SORL1-AS1: variants seen among roughly 807,000 people sequenced by gnomAD.
SORL1-AS1 encodes SORL1 antisense RNA 1, also known as lncRNA 51 A.
chr11:121,443,234 T>C (rs1860684532), downstream of SORL1-AS1, among the ~76,000 whole-genome samples: 1 of 152,236 alleles, frequency 6.6e-6, no homozygotes, highest in African/African-American at 2.4e-5. Context: ...GATTGAGATT[T>C]AGAGCTACCC....
In SORL1-AS1 at chr11:121,452,597, C is replaced by T; in HGVS notation, n.339+78G>A. The T allele has an allele frequency of 6.6e-7, 1 of 1,519,112 alleles. No homozygotes were observed. Among genetic ancestry groups the T allele is most frequent in the Non-Finnish European group, 8.8e-7 (1 of 1,141,128 alleles). The allele number at this position is 1,519,112 out of a possible 1,614,324, so 94.1% of individuals were successfully genotyped here. ...CGGAGCGCTGCCCTGCAGCCCGAGC[C>T]CATCAAGGTGTACGGACAGGTGAGC... On this transcript the variant is annotated intron_variant and non_coding_transcript_variant, in intron 1 of 1. Coordinates refer to ENST00000501964, the Ensembl canonical transcript of SORL1-AS1. This position sits in a 1 kb window ranked among gnomAD's most constrained non-coding sequence, Gnocchi z 5.3.
At position 121,452,327 on chromosome 11, in the gene SORL1-AS1, C is replaced by G. The variant is rs1310613209; in HGVS notation, n.339+348G>C. 1.5e-5 allele frequency: 23 copies of G among 1,531,826 alleles called. No individual in the cohort carries two copies. Among genetic ancestry groups the G allele is most frequent in the Non-Finnish European group, 1.9e-5 (22 of 1,143,770 alleles). The allele number at this position is 1,531,826 out of a possible 1,614,324, so 94.9% of individuals were successfully genotyped here. On this transcript the variant is annotated intron_variant and non_coding_transcript_variant, in intron 1 of 1. Transcript: ENST00000501964. This position sits in a 1 kb window ranked among gnomAD's most constrained non-coding sequence, Gnocchi z 5.3. ...GGCGCCACCTGCAGTAGCGTTCGCC[C>G]GAACATGGCGACACGGAGCAGCAGG...
rs1860814619 is a variant in SORL1-AS1, at chr11:121,452,441, G to A, written n.339+234C>T. 2 of 1,499,100 alleles carry A rather than the reference G, an allele frequency of 1.3e-6. No individual in the cohort carries two copies. Among genetic ancestry groups the A allele is most frequent in the African/African-American group, 1.5e-5 (1 of 68,876 alleles). 92.9% of individuals were successfully genotyped at this position (1,499,100 alleles called of 1,614,324 possible). On this transcript the variant is annotated intron_variant and non_coding_transcript_variant, in intron 1 of 1. Coordinates refer to ENST00000501964, the Ensembl canonical transcript of SORL1-AS1. This position sits in a 1 kb window ranked among gnomAD's most constrained non-coding sequence, Gnocchi z 5.3. Reference sequence around the variant, plus strand: ...GAAGTCTGGACGCAGAGGCTGCACGGCGGCAGCGCGCCCTTGCCCCAGGAC... The same window carrying A: ...GAAGTCTGGACGCAGAGGCTGCACGACGGCAGCGCGCCCTTGCCCCAGGAC...
downstream of SORL1-AS1, among the ~76,000 whole-genome samples, chr11:121,444,835 G>A (rs947673896): frequency 1.3e-5 from 2 of 152,194 alleles, no homozygotes; most frequent in African/African-American, 2.4e-5. Flanking sequence ...TTTGTGCTGT[G>A]TTGGGTTTTT....
the SORL1-AS1 span, among the ~76,000 whole-genome samples, chr11:121,441,851 C>T: frequency 6.6e-6 from 1 of 152,136 alleles, no homozygotes; most frequent in South Asian, 2.1e-4. Context: ...TGTAAGCCAC[C>T]ATTATTTTGG....
chr11:121,442,666 T>TTTATTTAC (rs1860671000), downstream of SORL1-AS1, among the ~76,000 whole-genome samples: 1 of 134,950 alleles, frequency 7.4e-6, no homozygotes, highest in African/African-American at 3.0e-5. Flanking sequence ...TATTTATTTA[T>TTTATTTAC]TTATTTATTT....
At position 121,450,671 on chromosome 11, in the gene SORL1-AS1, T is replaced by C. The variant is rs776903677; in HGVS notation, n.340-772A>G. ...GGGGAAAGTGTGGTATTTTGATACCTGTATACAATGTATAATGAACAAAGC... is the reference window on the plus strand; with the variant it reads ...GGGGAAAGTGTGGTATTTTGATACCCGTATACAATGTATAATGAACAAAGC... On this transcript the variant is annotated intron_variant and non_coding_transcript_variant, in intron 1 of 1. Coordinates refer to ENST00000501964, the Ensembl canonical transcript of SORL1-AS1. The surrounding 1 kb of genome is among the most constrained non-coding windows in gnomAD (Gnocchi z 5.2). 3.7e-4 allele frequency among the ~76,000 whole-genome samples: 57 copies of C among 152,092 alleles called. No homozygotes were observed. Among genetic ancestry groups the C allele is most frequent in the Non-Finnish European group, 3.8e-4 (26 of 68,018 alleles).
chr11:121,444,519 C>A (rs552122609), downstream of SORL1-AS1, among the ~76,000 whole-genome samples: 2 of 152,192 alleles, frequency 1.3e-5, no homozygotes, highest in Non-Finnish European at 1.5e-5. Context: ...TCTGACGTCA[C>A]GCCTCTAGTA....
Position 121,452,473 on chromosome 11 carries a change from T to C in SORL1-AS1, n.339+202A>G. The C allele has an allele frequency of 6.6e-7, 1 of 1,504,748 alleles. No homozygotes were observed. Among genetic ancestry groups the C allele is most frequent in the Non-Finnish European group, 8.9e-7 (1 of 1,127,860 alleles). The allele number at this position is 1,504,748 out of a possible 1,614,324, so 93.2% of individuals were successfully genotyped here. A position where few individuals can be genotyped will look rare whatever the true frequency, so the allele number is the denominator to read the frequency against. ...CGCGCCCTTGCCCCAGGACCGGGGC[T>C]TCCTCGTGGTGCAGGGCGACCCGCG... On this transcript the variant is annotated intron_variant and non_coding_transcript_variant, in intron 1 of 1. Coordinates refer to ENST00000501964, the Ensembl canonical transcript of SORL1-AS1. The surrounding 1 kb of genome is among the most constrained non-coding windows in gnomAD (Gnocchi z 5.3).
chr11:121,444,978 C>A (rs1403280993), downstream of SORL1-AS1, among the ~76,000 whole-genome samples: 1 of 152,096 alleles, frequency 6.6e-6, no homozygotes, highest in Non-Finnish European at 1.5e-5. Context: ...GGTGGTTGGG[C>A]AGTTTGAAAA....
In SORL1-AS1 at chr11:121,452,472, C is replaced by A; in HGVS notation, n.339+203G>T. 6.6e-7 allele frequency: 1 copy of A among 1,505,904 alleles called. No homozygotes were observed. Among genetic ancestry groups the A allele is most frequent in the South Asian group, 1.2e-5 (1 of 80,316 alleles). The allele number at this position is 1,505,904 out of a possible 1,614,324, so 93.3% of individuals were successfully genotyped here. A position where few individuals can be genotyped will look rare whatever the true frequency, so the allele number is the denominator to read the frequency against. ...GCGCGCCCTTGCCCCAGGACCGGGG[C>A]TTCCTCGTGGTGCAGGGCGACCCGC... is the stretch of plus-strand genomic sequence containing the variant. On this transcript the variant is annotated intron_variant and non_coding_transcript_variant, in intron 1 of 1. Coordinates refer to ENST00000501964, the Ensembl canonical transcript of SORL1-AS1. This position sits in a 1 kb window ranked among gnomAD's most constrained non-coding sequence, Gnocchi z 5.3.
chr11:121,442,674 T>TTTAC (rs202037027), downstream of SORL1-AS1, among the ~76,000 whole-genome samples: 22,310 of 141,594 alleles, frequency 0.16, 2,100 homozygotes, highest in African/African-American at 0.23. Context: ...TATTTATTTA[T>TTTAC]TTATTTATTT....
rs1310572067 is a variant in SORL1-AS1, at chr11:121,452,068, A to C, written n.339+607T>G. On this transcript the variant is annotated intron_variant and non_coding_transcript_variant, in intron 1 of 1. Coordinates refer to ENST00000501964, the Ensembl canonical transcript of SORL1-AS1. This position sits in a 1 kb window ranked among gnomAD's most constrained non-coding sequence, Gnocchi z 5.3. Reference sequence around the variant, plus strand: ...TAACTTCCCCATCCCCGCGCCAGGGAGGGGCCGGAGTCGCCGCCGAGGCCG... The same window carrying C: ...TAACTTCCCCATCCCCGCGCCAGGGCGGGGCCGGAGTCGCCGCCGAGGCCG... 2 of 152,292 alleles carry C rather than the reference A, an allele frequency of 1.3e-5. No homozygotes were observed. Among genetic ancestry groups the C allele is most frequent in the Non-Finnish European group, 2.9e-5 (2 of 68,188 alleles). The allele number at this position is 152,292 out of a possible 1,614,324, so 9.4% of individuals were successfully genotyped here.
chr11:121,442,686 TTTA>T (rs1485842498), downstream of SORL1-AS1, among the ~76,000 whole-genome samples: 21 of 142,878 alleles, frequency 1.5e-4, no homozygotes, highest in South Asian at 1.5e-3. Flanking sequence ...TATTTATTTA[TTTA>T]TTTTTTTGAG....
intron 1 of SORL1-AS1, among the ~76,000 whole-genome samples, chr11:121,451,954 G>A (rs986994440): frequency 3.9e-5 from 6 of 152,148 alleles, no homozygotes; most frequent in South Asian, 2.1e-4. Flanking sequence ...GAAAACGAGC[G>A]AGCCCCATGC....
downstream of SORL1-AS1, among the ~76,000 whole-genome samples, chr11:121,442,753 A>G: frequency 6.8e-6 from 1 of 147,720 alleles, no homozygotes; most frequent in African/African-American, 2.5e-5. Flanking sequence ...ATCTCGGCTC[A>G]CTGCAAGCTC....
At chr11:121,442,684 TA>T (rs1259415608), downstream of SORL1-AS1, among the ~76,000 whole-genome samples, 22 of 147,336 alleles carry the variant, frequency 1.5e-4, no homozygotes, top group South Asian at 1.5e-3. Flanking sequence ...TTTATTTATT[TA>T]TTTATTTTTT....
At chr11:121,447,599 C>T (rs1169963342) in exon 2 of SORL1-AS1, 1 of 152,120 alleles carries the variant, frequency 6.6e-6, no homozygotes, top group African/African-American at 2.4e-5. Flanking sequence ...GGGCATAAGT[C>T]ACTGTGCCTG....
downstream of SORL1-AS1, among the ~76,000 whole-genome samples, chr11:121,443,412 A>G (rs893664065): frequency 4.6e-5 from 7 of 152,270 alleles, no homozygotes; most frequent in African/African-American, 1.7e-4. Context: ...TCAAACAGAC[A>G]AGAACCTAAG....
Sources: allele counts gnomAD v4.1 joint callset (sites outside exome capture counted in the v4.1 genomes callset), GRCh38; gene constraint gnomAD v4.1.1; non-coding constraint Gnocchi (gnomAD v3.1); transcripts MANE v1.5; gene names NCBI Gene and HGNC (gene_info 2026-07-23, HGNC 2026-07-21).